The following COL7A1 variants were observed in gnomAD, a reference collection of about 807,000 sequenced individuals.
COL7A1 encodes the protein collagen type VII alpha 1 chain, also known as collagen alpha-1(VII) chain.
In COL7A1, 296 loss-of-function variants were observed where a neutral mutation model predicts 456.2. The ratio of observed to expected loss-of-function variants is 0.65; its 90% CI spans 0.59 to 0.71. The LOEUF (loss-of-function observed/expected upper bound fraction) is 0.71. Among genes scored for constraint, COL7A1 ranks in the 30% least tolerant of loss-of-function variants. COL7A1 has a pLI of 0.00. For synonymous variants in COL7A1, 1,464 were observed against 1,525.9 expected (o/e 0.96, Z 0.95); for missense variants, 3,441 against 4,017.2 (o/e 0.86, Z 3.88).
At position 48,580,340 on chromosome 3, in the gene COL7A1, C is replaced by G. The variant is rs1195760637; in HGVS notation, c.5057G>C (p.Ser1686Thr). ...ACCCTTGGGTCCAGATGATCCAGGG[C>G]TGCCCTGCAGAAAGGCAGGGGTCAG... Reference protein sequence around the residue: ...GDPGEDGRNGSPGSSGPKGDR... With the variant: ...GDPGEDGRNGTPGSSGPKGDR... Residue 1686 changes from serine (S) to threonine (T), a missense_variant, in exon 56 of 119, where the codon AGC becomes ACC. Coordinates refer to ENST00000681320, the MANE Select transcript of COL7A1 (RefSeq NM_000094.4). This position sits in a 1 kb window ranked among gnomAD's most constrained non-coding sequence, Gnocchi z 4.5. 1 of 1,609,664 alleles carries G rather than the reference C, an allele frequency of 6.2e-7. No homozygotes were observed. The highest frequency in any genetic ancestry group is 8.5e-7 in the Non-Finnish European group (1 of 1,177,862).
chr3:48,593,485 T>C lies in COL7A1; in HGVS notation c.427-36A>G. 2 of 1,614,064 alleles carry C rather than the reference T, an allele frequency of 1.2e-6. No individual in the cohort carries two copies. The highest frequency in any genetic ancestry group is 2.2e-5 in the South Asian group (2 of 91,084). On this transcript the variant is annotated intron_variant, in intron 4 of 118. Transcript: ENST00000681320. This position sits in a 1 kb window ranked among gnomAD's most constrained non-coding sequence, Gnocchi z 4.4. ...TGCAGGGGTCAAATCACGGTTCCCCTGGACACTTCATTTGGGGTCATCTTG... is the reference window on the plus strand; with the variant it reads ...TGCAGGGGTCAAATCACGGTTCCCCCGGACACTTCATTTGGGGTCATCTTG...
In COL7A1 at chr3:48,568,380, A is replaced by T. The variant is rs555611651; in HGVS notation, c.7794+119T>A. 12 of 1,149,392 alleles carry T rather than the reference A, an allele frequency of 1.0e-5. No homozygotes were observed. In the African/African-American group the frequency reaches 1.7e-4, roughly 16 times the overall value. 71.2% of individuals were successfully genotyped at this position (1,149,392 alleles called of 1,614,324 possible). On this transcript the variant is annotated intron_variant, in intron 105 of 118. Transcript: ENST00000681320. The surrounding 1 kb of genome is among the most constrained non-coding windows in gnomAD (Gnocchi z 5.2). ...GAGGTGGGGGACCCTGGGTGACATGAGGACACCATGAGAGCACTGGGTCAC... is the reference window on the plus strand; with the variant it reads ...GAGGTGGGGGACCCTGGGTGACATGTGGACACCATGAGAGCACTGGGTCAC...
In COL7A1 at chr3:48,570,427, G is replaced by A; in HGVS notation, c.7380+38C>T. The A allele has an allele frequency of 6.2e-7, 1 of 1,613,966 alleles. No homozygotes were observed. Among genetic ancestry groups the A allele is most frequent in the African/African-American group, 1.3e-5 (1 of 74,972 alleles). On this transcript the variant is annotated intron_variant, in intron 97 of 118. Transcript: ENST00000681320. The surrounding 1 kb of genome is among the most constrained non-coding windows in gnomAD (Gnocchi z 5.5). Reference sequence around the variant, plus strand: ...CAGTGGAGGCTGAAGGGGGTGACCAGGGCACAAGAGAGAGTCAGCAGCACT... The same window carrying A: ...CAGTGGAGGCTGAAGGGGGTGACCAAGGCACAAGAGAGAGTCAGCAGCACT...
In COL7A1 at chr3:48,589,353, G is replaced by A. The variant is rs2107772171; in HGVS notation, c.2288C>T (p.Pro763Leu). The A allele has an allele frequency of 1.2e-6, 2 of 1,612,680 alleles. No individual in the cohort carries two copies. Among genetic ancestry groups the A allele is most frequent in the Non-Finnish European group, 1.7e-6 (2 of 1,179,978 alleles). ...AGTCCTCACAACCACAGAGGCAGGG[G>A]GCCCATCCACGCCAGCCACATGGGC... Reference protein sequence around the residue: ...VRAHVAGVDGPPASVVVRTAP... With the variant: ...VRAHVAGVDGLPASVVVRTAP... Residue 763 changes from proline to leucine, a missense_variant, in exon 18 of 119, where the codon CCC becomes CTC. Coordinates refer to ENST00000681320, the MANE Select transcript of COL7A1 (RefSeq NM_000094.4).
chr3:48,588,316 T>C lies in COL7A1; in HGVS notation c.2676A>G (p.Arg892=), dbSNP rs2107763748. ...SLRLRWEPVP[R]AQGFLLHWQP... ...GCCAGTGCAGAAGGAAGCCCTGCGC[T>C]CTGGGCACCGGCTCCCAGCGCAGCC... The change falls in exon 21 of 119, where the codon AGA becomes AGG. Residue 892 remains arginine, a synonymous_variant. Transcript: ENST00000681320. This position sits in a 1 kb window ranked among gnomAD's most constrained non-coding sequence, Gnocchi z 4.6. 1.2e-6 allele frequency: 2 copies of C among 1,612,830 alleles called. No individual in the cohort carries two copies. Among genetic ancestry groups the C allele is most frequent in the Non-Finnish European group, 8.5e-7 (1 of 1,179,990 alleles).
At position 48,587,102 on chromosome 3, in the gene COL7A1, G is replaced by A. The variant is rs1397368527; in HGVS notation, c.3146C>T (p.Pro1049Leu). The A allele has an allele frequency of 6.2e-7, 1 of 1,612,978 alleles. No individual in the cohort carries two copies. The highest frequency in any genetic ancestry group is 8.5e-7 in the Non-Finnish European group (1 of 1,179,662). The change falls in exon 25 of 119, where the codon CCC becomes CTC. Residue 1049 changes from proline (P) to leucine (L), a missense_variant. Around this residue, in one of 3 missense-constraint regions of COL7A1, gnomAD observed 444 missense variants for 427.6 expected, o/e 1.04. Transcript: ENST00000681320. This position sits in a 1 kb window ranked among gnomAD's most constrained non-coding sequence, Gnocchi z 6.1. Reference protein sequence around the residue: ...EASVTQTPVCPRGLADVVFLP... With the variant: ...EASVTQTPVCLRGLADVVFLP... ...GAACACCACATCCGCCAGGCCACGG[G>A]GGCACACTGTAGGAAGGGGAACAAG...
Position 48,566,389 on chromosome 3 carries a change from G to A in COL7A1, c.8359-74C>T. ...AAGGACATAGGGCACATAATACAGG[G>A]ACTATGGTGAGACTGCATGGAGCCA... On this transcript the variant is annotated intron_variant, in intron 113 of 118. Transcript: ENST00000681320. The surrounding 1 kb of genome is among the most constrained non-coding windows in gnomAD (Gnocchi z 5.9). 4 of 1,602,698 alleles carry A rather than the reference G, an allele frequency of 2.5e-6. No individual in the cohort carries two copies. The East Asian group carries it at 6.7e-5, about 27-fold the overall frequency.
Position 48,585,040 on chromosome 3 carries a change from A to G in COL7A1, c.3971T>C (p.Leu1324Pro). The G allele has an allele frequency of 6.2e-7, 1 of 1,613,178 alleles. No individual in the cohort carries two copies. Among genetic ancestry groups the G allele is most frequent in the Non-Finnish European group, 8.5e-7 (1 of 1,179,908 alleles). ...GNPGTPGAPG[L>P]KGSPGLPGPR... ...TGCAGGACAAGGCTTGCTCACCTTT[A>G]GGCCAGGGGCTCCAGGGGTCCCAGG... Residue 1324 changes from leucine (L) to proline (P), a missense_variant, in exon 33 of 119, where the codon CTA becomes CCA. Around this residue, in one of 3 missense-constraint regions of COL7A1, gnomAD observed 2,084 missense variants for 2,501.3 expected, o/e 0.83. Transcript: ENST00000681320. The surrounding 1 kb of genome is among the most constrained non-coding windows in gnomAD (Gnocchi z 4.5).
chr3:48,594,682 T>G lies in COL7A1; in HGVS notation c.86-134A>C. The G allele has an allele frequency of 8.9e-7, 1 of 1,122,324 alleles. No homozygotes were observed. Among genetic ancestry groups the G allele is most frequent in the Non-Finnish European group, 1.3e-6 (1 of 789,976 alleles). The allele number at this position is 1,122,324 out of a possible 1,614,324, so 69.5% of individuals were successfully genotyped here. The stretch of plus-strand genomic sequence containing the variant: ...TATGCAAACCAGGGCCGAATCGGCC[T>G]GAGCCTGAGGGCCTTGGAGGGAGTT... On this transcript the variant is annotated intron_variant, in intron 2 of 118. Transcript: ENST00000681320. This position sits in a 1 kb window ranked among gnomAD's most constrained non-coding sequence, Gnocchi z 5.5.
chr3:48,591,857 T>C lies in COL7A1; in HGVS notation c.1358-35A>G. 1.2e-6 allele frequency: 2 copies of C among 1,614,156 alleles called. No individual in the cohort carries two copies. The highest frequency in any genetic ancestry group is 1.7e-6 in the Non-Finnish European group (2 of 1,180,024). ...AACAGGGTCAGACCAGCAGAGGCCA[T>C]GCCCTGACCCTTGCCTGTCCATCCC... On this transcript the variant is annotated intron_variant, in intron 11 of 118. Coordinates refer to ENST00000681320, the MANE Select transcript of COL7A1 (RefSeq NM_000094.4). This position sits in a 1 kb window ranked among gnomAD's most constrained non-coding sequence, Gnocchi z 7.0.
chr3:48,586,872 A>G lies in COL7A1; in HGVS notation c.3276+100T>C. ...CTGGAGCCTGTGAGAGAGCTGGGAGAATGCCTGAACCTATTGGGTGGTCAG... is the reference window on the plus strand; with the variant it reads ...CTGGAGCCTGTGAGAGAGCTGGGAGGATGCCTGAACCTATTGGGTGGTCAG... On this transcript the variant is annotated intron_variant, in intron 25 of 118. Transcript: ENST00000681320. The surrounding 1 kb of genome is among the most constrained non-coding windows in gnomAD (Gnocchi z 5.1). 2 of 1,537,752 alleles carry G rather than the reference A, an allele frequency of 1.3e-6. No individual in the cohort carries two copies. Among genetic ancestry groups the G allele is most frequent in the Non-Finnish European group, 1.8e-6 (2 of 1,136,604 alleles).
Position 48,564,749 on chromosome 3 carries a change from G to T in COL7A1, c.8818+34C>A, listed in dbSNP as rs779188664. 6.2e-7 allele frequency: 1 copy of T among 1,604,436 alleles called. No homozygotes were observed. The highest frequency in any genetic ancestry group is 8.5e-7 in the Non-Finnish European group (1 of 1,174,226). ...AGAACCCGATCCAGGCAGGCTCAGT[G>T]CCCAGTTCCCCACGGTGGGGGCTCA... On this transcript the variant is annotated intron_variant, in intron 118 of 118. Transcript: ENST00000681320. The surrounding 1 kb of genome is among the most constrained non-coding windows in gnomAD (Gnocchi z 6.0).
Position 48,594,949 on chromosome 3 carries a change from A to G in COL7A1, c.85+126T>C. ...GGGTTCGGGGAGTCCCAGAATTAGG[A>G]GGAATCCGCGGGGCGTCGTGGAGTT... On this transcript the variant is annotated intron_variant, in intron 2 of 118. Transcript: ENST00000681320. This position sits in a 1 kb window ranked among gnomAD's most constrained non-coding sequence, Gnocchi z 5.5. The G allele has an allele frequency of 2.5e-6, 2 of 806,376 alleles. No homozygotes were observed. The highest frequency in any genetic ancestry group is 4.0e-6 in the Non-Finnish European group (2 of 498,936). The allele number at this position is 806,376 out of a possible 1,614,324, so 50.0% of individuals were successfully genotyped here. A position where few individuals can be genotyped will look rare whatever the true frequency, so the allele number is the denominator to read the frequency against.
At position 48,569,768 on chromosome 3, in the gene COL7A1, G is replaced by A; in HGVS notation, c.7522-8C>T. On this transcript the variant is annotated splice_region_variant and splice_polypyrimidine_tract_variant and intron_variant, in intron 100 of 118. Transcript: ENST00000681320. The surrounding 1 kb of genome is among the most constrained non-coding windows in gnomAD (Gnocchi z 4.9). The stretch of plus-strand genomic sequence containing the variant: ...TGCACTCCCAACATCACCCTATTGG[G>A]CAAAAGAGTGTGAGTCCCGCCCAAA... 1.2e-6 allele frequency: 2 copies of A among 1,614,150 alleles called. No individual in the cohort carries two copies. Among genetic ancestry groups the A allele is most frequent in the Admixed American group, 1.7e-5 (1 of 60,024 alleles).
chr3:48,567,583 G>C lies in COL7A1; in HGVS notation c.8037C>G (p.Ile2679Met). 6.2e-7 allele frequency: 1 copy of C among 1,614,104 alleles called. No homozygotes were observed. Among genetic ancestry groups the C allele is most frequent in the Non-Finnish European group, 8.5e-7 (1 of 1,180,000 alleles). Residue 2679 changes from isoleucine to methionine, a missense_variant, in exon 109 of 119, where the codon ATC (isoleucine) becomes ATG (methionine). Transcript: ENST00000681320. The surrounding 1 kb of genome is among the most constrained non-coding windows in gnomAD (Gnocchi z 4.3). The stretch of plus-strand genomic sequence containing the variant: ...TCCACAGACCCTGTACCTTGGGACC[G>C]ATCAGGCCCTCCTTGCCAGGGGCCC... Reference protein sequence around the residue: ...QSGAPGKEGLIGPKGDRGFDG... With the variant: ...QSGAPGKEGLMGPKGDRGFDG...
intron 17 of COL7A1, 63 bp from the exon 18 acceptor site, chr3:48,589,533 G>C (rs2532888): frequency 1.2e-6 from 2 of 1,612,346 alleles, no homozygotes; most frequent in African/African-American, 2.7e-5. Context: ...GCCCCACCTG[G>C]ACCCCCAATA....
chr3:48,573,375 G>A lies in COL7A1; in HGVS notation c.6619-27C>T, dbSNP rs753817672. 2 of 1,614,032 alleles carry A rather than the reference G, an allele frequency of 1.2e-6. No individual in the cohort carries two copies. Among genetic ancestry groups the A allele is most frequent in the South Asian group, 2.2e-5 (2 of 91,086 alleles). On this transcript the variant is annotated intron_variant, in intron 83 of 118. Transcript: ENST00000681320. This position sits in a 1 kb window ranked among gnomAD's most constrained non-coding sequence, Gnocchi z 5.5. ...TGCAAACAACCCAGAGACTGCATGA[G>A]CAGAGCCCACGTGGCCAGGGCTCCT...
chr3:48,593,686 C>G lies in COL7A1; in HGVS notation c.277G>C (p.Gly93Arg). 6.2e-7 allele frequency: 1 copy of G among 1,614,182 alleles called. No individual in the cohort carries two copies. Among genetic ancestry groups the G allele is most frequent in the Non-Finnish European group, 8.5e-7 (1 of 1,180,018 alleles). The change falls in exon 4 of 119, where the codon GGC becomes CGC. Residue 93 changes from glycine (G) to arginine (R), a missense_variant. Physicochemically the swap from Gly to Arg is moderately radical, Grantham distance 125. Transcript: ENST00000681320. The surrounding 1 kb of genome is among the most constrained non-coding windows in gnomAD (Gnocchi z 4.4). ...CCCCCAGAGCCAAGTGCATCCAGGC[C>G]GAACTCTGTCCTGTTGGAGGGTAGG... ...QYSDDPRTEF[G>R]LDALGSGGDV...
In COL7A1 at chr3:48,568,765, G is replaced by A; in HGVS notation, c.7758+19C>T. ...GGCTCTGGACCTGGGCCTGGGCCTG[G>A]GCCTGGGGCAGAACTTGCCTGGGGT... On this transcript the variant is annotated intron_variant, in intron 104 of 118. Coordinates refer to ENST00000681320, the MANE Select transcript of COL7A1 (RefSeq NM_000094.4). The surrounding 1 kb of genome is among the most constrained non-coding windows in gnomAD (Gnocchi z 5.2). The A allele has an allele frequency of 1.3e-6, 2 of 1,559,676 alleles. No homozygotes were observed. Among genetic ancestry groups the A allele is most frequent in the South Asian group, 1.2e-5 (1 of 84,810 alleles).
Sources: gnomAD v4.1 joint callset for allele counts on GRCh38, gnomAD v4.1.1 for gene constraint, gnomAD v4.1.1 regional missense constraint, Gnocchi (gnomAD v3.1) non-coding constraint, MANE v1.5 for transcripts, NCBI Gene and HGNC (gene_info 2026-07-23, HGNC 2026-07-21) for gene names.